ABCC11: variants seen among roughly 807,000 people sequenced by gnomAD.
ABCC11 encodes the protein ATP binding cassette subfamily C member 11, also known as ATP-binding cassette sub-family C member 11.
A neutral mutation model predicts 149.3 loss-of-function variants in ABCC11; 135 were observed. That is an observed-to-expected ratio of 0.90 (90% confidence interval 0.79 to 1.04). The LOEUF (loss-of-function observed/expected upper bound fraction) is 1.04, where lower values mean the gene tolerates loss of function less well. Ranked by LOEUF, ABCC11 falls within the 50% of genes least tolerant of loss-of-function variation. The pLI is 0.00. For synonymous variants in ABCC11, 665 were observed against 671.4 expected, an observed-to-expected ratio of 0.99 and a Z score of 0.15; for missense variants, 1,680 against 1,722.1, an observed-to-expected ratio of 0.98 and a Z score of 0.43.
In ABCC11 at chr16:48,236,100, C is replaced by T. The variant is rs142748027; in HGVS notation, c.-18-4161G>A. 1.1e-3 allele frequency among the ~76,000 whole-genome samples: 167 copies of T among 152,282 alleles called. 1 individual carries two copies. Among genetic ancestry groups the T allele is most frequent in the African/African-American group, 3.9e-3 (162 of 41,556 alleles). ...TAGATCTTACTCCTCCTGTACCTCG[C>T]CCTGTGCTATTTAACTTTCTCTGCT... On this transcript the variant is annotated intron_variant, in intron 1 of 29. Coordinates refer to ENST00000356608, the MANE Select transcript of ABCC11 (RefSeq NM_001370497.1).
rs1000255465 is a variant in ABCC11, at chr16:48,210,964, T to C, written c.1592A>G (p.Asn531Ser). The change falls in exon 11 of 30, where the codon AAC becomes AGC. Residue 531 changes from asparagine to serine, a missense_variant. Transcript: ENST00000356608. ...NSLGPELHKINLVVSKGMMLG... is the reference protein window; with the variant it reads ...NSLGPELHKISLVVSKGMMLG... ...CAAGGCTACCTTGGACACCACCAGG[T>C]TGATCTTGTGCAACTCTGGGCCCAG... 37 of 1,614,050 alleles carry C rather than the reference T, an allele frequency of 2.3e-5. No individual in the cohort carries two copies. The Admixed American group carries it at 4.0e-4, about 17-fold the overall frequency.
chr16:48,177,191 C>A, intron 24 of ABCC11, 78 bp from the exon 25 acceptor site: 2 of 1,460,062 alleles, frequency 1.4e-6, no homozygotes, highest in South Asian at 1.3e-5. Flanking sequence ...GCCAGCCTCC[C>A]GCTGTAGGGG....
In ABCC11 at chr16:48,166,286, T is replaced by C. The variant is rs1362486255; in HGVS notation, c.*988A>G. On this transcript the variant is annotated 3_prime_UTR_variant, in exon 30 of 30. Coordinates refer to ENST00000356608, the MANE Select transcript of ABCC11 (RefSeq NM_001370497.1). ...CCAGTGAGATTTCACCCTGGAATCA[T>C]TGAGGCAAGAAGACCTGGGGGGTGC... is the stretch of plus-strand genomic sequence containing the variant. Among the ~76,000 whole-genome samples, 1 of 152,128 alleles carries C rather than the reference T, an allele frequency of 6.6e-6. No homozygotes were observed. Among genetic ancestry groups the C allele is most frequent in the Non-Finnish European group, 1.5e-5 (1 of 68,026 alleles).
Position 48,224,379 on chromosome 16 carries a change from GC to G in ABCC11, c.445del (p.Ala149LeufsTer6). 6.2e-7 allele frequency: 1 copy of G among 1,614,172 alleles called. No individual in the cohort carries two copies. Among genetic ancestry groups the G allele is most frequent in the Non-Finnish European group, 8.5e-7 (1 of 1,180,018 alleles). On this transcript the variant is annotated frameshift_variant, in exon 5 of 30. Transcript: ENST00000356608. LOFTEE classifies it high-confidence loss of function. ...CCTCAGCATCACCAGAAGCACTGAAGCTTTTTCAATCCCTCGCCTTGAGACT... is the reference window on the plus strand; with the variant it reads ...CCTCAGCATCACCAGAAGCACTGAAGTTTTTCAATCCCTCGCCTTGAGACT... ...EEVSRRGIEK[A>X]SVLLVMLRFQ...
At chr16:48,173,158 G>A (rs1018360288) in intron 26 of ABCC11, among the ~76,000 whole-genome samples, 4 of 152,116 alleles carry the variant, frequency 2.6e-5, no homozygotes, top group East Asian at 1.9e-4. Flanking sequence ...TCAAGGTCAC[G>A]CCACAAGCCA....
chr16:48,238,842 C>A (rs988875281), intron 1 of ABCC11, among the ~76,000 whole-genome samples: 1 of 140,328 alleles, frequency 7.1e-6, no homozygotes. Flanking sequence ...GAGGCTGAGG[C>A]AGAAGAATGG....
At chr16:48,214,682 C>A (rs1201123017) in intron 9 of ABCC11, among the ~76,000 whole-genome samples, 199 bp downstream of exon 9, 1 of 152,202 alleles carries the variant, frequency 6.6e-6, no homozygotes, top group Non-Finnish European at 1.5e-5. Flanking sequence ...TCCAGCCCGC[C>A]CACAGGGCTA....
At chr16:48,194,021 CAG>C (rs749392448) in intron 18 of ABCC11, 39 bp from the exon 19 acceptor site, 2 of 1,504,600 alleles carry the variant, frequency 1.3e-6, no homozygotes, top group South Asian at 2.3e-5. Context: ...GTGCCACAAA[CAG>C]GTGCGAGGCA....
At chr16:48,194,101 G>T (rs1967173984) in intron 18 of ABCC11, 119 bp from the exon 19 acceptor site, 4 of 675,576 alleles carry the variant, frequency 5.9e-6, no homozygotes, top group South Asian at 5.3e-5. Flanking sequence ...CCCACCCAAT[G>T]TGGACACCTT....
intron 6 of ABCC11, among the ~76,000 whole-genome samples, chr16:48,217,515 G>A (rs1969431428): frequency 6.6e-6 from 1 of 152,168 alleles, no homozygotes; most frequent in African/African-American, 2.4e-5. Flanking sequence ...AGGATTACTT[G>A]AGCCCGGCAG....
rs199705781 is a variant in ABCC11 at position 48,169,918 on chromosome 16, TA to T, written c.3891+186del. Reference sequence around the variant, plus strand: ...TACCCTAGAACTTAAAGTATAATAATAAAAAAAAGGAAATGAATAAGCCCTT... The same window carrying T: ...TACCCTAGAACTTAAAGTATAATAATAAAAAAAGGAAATGAATAAGCCCTT... On this transcript the variant is annotated intron_variant, in intron 28 of 29. Coordinates refer to ENST00000356608, the MANE Select transcript of ABCC11 (RefSeq NM_001370497.1). Among the ~76,000 whole-genome samples, 479 of 152,044 alleles carry T rather than the reference TA, an allele frequency of 3.2e-3. 14 individuals are homozygous for T. Among genetic ancestry groups the T allele is most frequent in the Admixed American group, 0.02 (305 of 15,268 alleles).
chr16:48,178,731 G>C (rs758449925), intron 23 of ABCC11, 45 bp from the exon 24 acceptor site: 2 of 1,548,696 alleles, frequency 1.3e-6, no homozygotes, highest in Non-Finnish European at 1.8e-6. Flanking sequence ...CTGCTGGGGT[G>C]TGCTCAGGCT....
chr16:48,227,128 T>C (rs1970123740), intron 4 of ABCC11, among the ~76,000 whole-genome samples: 1 of 152,140 alleles, frequency 6.6e-6, no homozygotes, highest in Admixed American at 6.5e-5. Context: ...AGTGCCACTG[T>C]TGAATGCCTG....
At chr16:48,201,346 T>A (rs1048282059) in intron 14 of ABCC11, among the ~76,000 whole-genome samples, 2 of 152,152 alleles carry the variant, frequency 1.3e-5, no homozygotes, top group African/African-American at 4.8e-5. Context: ...GCACCAGCAA[T>A]CATGGCTTAC....
At chr16:48,196,409 G>A (rs999190793) in intron 17 of ABCC11, 88 bp from the exon 18 acceptor site, 2 of 1,298,506 alleles carry the variant, frequency 1.5e-6, no homozygotes, top group African/African-American at 2.9e-5. Flanking sequence ...TCCTGTGCCA[G>A]CTTTTCACTT....
intron 23 of ABCC11, among the ~76,000 whole-genome samples, chr16:48,181,674 G>A (rs973542496): frequency 6.6e-6 from 1 of 150,950 alleles, no homozygotes; most frequent in African/African-American, 2.4e-5. Flanking sequence ...GCAGTGGTGC[G>A]ATCTTGCCTC....
intron 3 of ABCC11, 97 bp from the exon 4 acceptor site, chr16:48,228,061 C>G (rs932549257): frequency 2.6e-6 from 3 of 1,174,222 alleles, no homozygotes; most frequent in African/African-American, 1.5e-5. Flanking sequence ...TTACCCAGAT[C>G]TACACACAAA....
intron 23 of ABCC11, among the ~76,000 whole-genome samples, chr16:48,179,520 A>G (rs774590368): frequency 2.6e-5 from 4 of 152,244 alleles, no homozygotes; most frequent in Non-Finnish European, 5.9e-5. Flanking sequence ...CACATTAATC[A>G]TACATTCATT....
chr16:48,221,259 C>T (rs1481969768), intron 6 of ABCC11, among the ~76,000 whole-genome samples: 1 of 152,138 alleles, frequency 6.6e-6, no homozygotes, highest in African/African-American at 2.4e-5. Context: ...GCAGTGTTGC[C>T]TTTTCCAAAA....
Sources: gnomAD v4.1 joint callset for allele counts (sites outside exome capture counted in the v4.1 genomes callset) on GRCh38, gnomAD v4.1.1 for gene constraint, MANE v1.5 for transcripts, NCBI Gene and HGNC (gene_info 2026-07-23, HGNC 2026-07-21) for gene names.